Variants in ZNF730 observed in about 807,000 individuals in gnomAD.
ZNF730 encodes the protein zinc finger protein 730, also known as putative zinc finger protein 730.
ZNF730 carries 12 observed loss-of-function variants against 12.6 expected under a neutral mutation model. That is an observed-to-expected ratio of 0.95 (90% CI 0.61 to 1.54). The LOEUF (loss-of-function observed/expected upper bound fraction) is 1.54, where lower values mean the gene tolerates loss of function less well. Ranked by LOEUF, ZNF730 falls within the 40% of genes most tolerant of loss-of-function variation. ZNF730 has a pLI of 0.00. For synonymous variants in ZNF730, 194 were observed against 195.8 expected, an observed-to-expected ratio of 0.99 and a Z score of 0.08; for missense variants, 643 against 583.5, an observed-to-expected ratio of 1.10 and a Z score of -1.05.
intron 1 of ZNF730, among the ~76,000 whole-genome samples, chr19:23,120,905 C>T (rs1970590626): frequency 6.6e-6 from 1 of 152,060 alleles, no homozygotes; most frequent in South Asian, 2.1e-4. Context: ...TATCTTTGTT[C>T]CCATTTGTTT....
intron 1 of ZNF730, among the ~76,000 whole-genome samples, chr19:23,093,999 G>T (rs1345872205): frequency 6.6e-6 from 1 of 152,162 alleles, no homozygotes; most frequent in Non-Finnish European, 1.5e-5. Context: ...GTGGACCAGA[G>T]GGCTCTCGCC....
In ZNF730 at chr19:23,145,751, C is replaced by G; in HGVS notation, c.707C>G (p.Ala236Gly). ...TACAAATGTAAAGAATGTGGCAAAG[C>G]CTTTAACTGGTTTTCACATTTTACT... ...KPYKCKECGKAFNWFSHFTTH... is the reference protein window; with the variant it reads ...KPYKCKECGKGFNWFSHFTTH... Residue 236 changes from alanine (A) to glycine (G), a missense_variant, in exon 4 of 4, where the codon GCC becomes GGC. Ala to Gly is a moderately conservative substitution (Grantham distance 60). Coordinates refer to ENST00000597761, the MANE Select transcript of ZNF730 (RefSeq NM_001277403.2). 6.4e-7 allele frequency: 1 copy of G among 1,565,534 alleles called. No homozygotes were observed. Among genetic ancestry groups the G allele is most frequent in the Non-Finnish European group, 8.6e-7 (1 of 1,157,084 alleles).
intron 1 of ZNF730, among the ~76,000 whole-genome samples, chr19:23,126,379 G>A (rs990564943): frequency 2.0e-5 from 3 of 152,160 alleles, no homozygotes; most frequent in Non-Finnish European, 4.4e-5. Context: ...AACACAGTGC[G>A]GCATTACACC....
intron 3 of ZNF730, among the ~76,000 whole-genome samples, chr19:23,136,610 G>T (rs565196070): frequency 2.6e-5 from 4 of 152,088 alleles, no homozygotes; most frequent in Admixed American, 2.6e-4. Flanking sequence ...CATTATGTCT[G>T]AAATGTGTGA....
intron 1 of ZNF730, among the ~76,000 whole-genome samples, chr19:23,086,838 G>C (rs1027086060): frequency 2.6e-5 from 4 of 152,138 alleles, no homozygotes; most frequent in African/African-American, 9.7e-5. Context: ...GAATGTCAAT[G>C]CTTGTTTAAT....
chr19:23,103,716 A>C (rs1273244573), intron 1 of ZNF730, among the ~76,000 whole-genome samples: 2 of 152,210 alleles, frequency 1.3e-5, no homozygotes, highest in Non-Finnish European at 2.9e-5. Flanking sequence ...TATTTTGGTG[A>C]ATAATACTAA....
At chr19:23,135,775 T>A (rs548778849) in intron 2 of ZNF730, among the ~76,000 whole-genome samples, 173 bp from the exon 3 acceptor site, 1 of 151,890 alleles carries the variant, frequency 6.6e-6, no homozygotes, top group Admixed American at 6.6e-5. Flanking sequence ...CCTCCCAAAG[T>A]GCTGGTATTA....
intron 1 of ZNF730, among the ~76,000 whole-genome samples, chr19:23,133,653 G>A (rs1476040532): frequency 6.6e-6 from 1 of 152,130 alleles, no homozygotes; most frequent in East Asian, 1.9e-4. Context: ...CAGAAACTCA[G>A]GCTTTATTCC....
chr19:23,114,300 C>CTTTTTTTTTTTTTTTTTTTTTTTTTTT (rs11413226), upstream of ZNF730, among the ~76,000 whole-genome samples: 10 of 119,526 alleles, frequency 8.4e-5, 4 homozygotes, highest in African/African-American at 2.8e-4. Flanking sequence ...TTTTCTTTTT[C>CTTTTTTTTTTTTTTTTTTTTTTTTTTT]TTTTCTTTTT....
chr19:23,116,967 G>T (rs1001353994), upstream of ZNF730: 109 of 835,654 alleles, frequency 1.3e-4, no homozygotes, highest in African/African-American at 1.6e-3. Context: ...CTGGGCGGGG[G>T]GCCGTCCAAT....
At chr19:23,078,128 A>G (rs1969899147) in intron 1 of ZNF730, among the ~76,000 whole-genome samples, 2 of 152,156 alleles carry the variant, frequency 1.3e-5, no homozygotes, top group Admixed American at 1.3e-4. Flanking sequence ...GGGAAGGGAA[A>G]GACCTGACCG....
intron 1 of ZNF730, among the ~76,000 whole-genome samples, chr19:23,110,663 T>C (rs1475345984): frequency 2.6e-5 from 4 of 152,172 alleles, no homozygotes; most frequent in African/African-American, 7.2e-5. Flanking sequence ...GCTTGCAAAA[T>C]TGTAAAATAT....
intron 3 of ZNF730, chr19:23,143,766 C>T (rs545647409): frequency 4.6e-5 from 7 of 152,076 alleles, no homozygotes; most frequent in South Asian, 2.1e-4. Context: ...AGTTTCTTTC[C>T]GGCCTACAAA....
Position 23,087,440 on chromosome 19 carries a change from A to G in ZNF730, c.-94+12053A>G, listed in dbSNP as rs1041504385. On this transcript the variant is annotated intron_variant, in intron 1 of 2. Transcript: ENST00000593635. Reference sequence around the variant, plus strand: ...AAAAAGAAAAAAAGAAATGCTAGTAATTTTTGCACATTGATTTTGTATTCT... The same window carrying G: ...AAAAAGAAAAAAAGAAATGCTAGTAGTTTTTGCACATTGATTTTGTATTCT... 5.3e-4 allele frequency among the ~76,000 whole-genome samples: 81 copies of G among 152,134 alleles called. 1 individual carries two copies. The highest frequency in any genetic ancestry group is 1.9e-3 in the African/African-American group (80 of 41,514).
At chr19:23,078,033 C>T (rs2145425547) in intron 1 of ZNF730, among the ~76,000 whole-genome samples, 1 of 152,294 alleles carries the variant, frequency 6.6e-6, no homozygotes, top group East Asian at 1.9e-4. Context: ...CAATACACTG[C>T]TGAAGGCCGC....
chr19:23,100,948 C>T (rs1169264053), intron 1 of ZNF730, among the ~76,000 whole-genome samples: 1 of 152,086 alleles, frequency 6.6e-6, no homozygotes, highest in East Asian at 1.9e-4. Context: ...ACCACCATGC[C>T]CGGCAGTGAT....
chr19:23,126,595 G>C, intron 1 of ZNF730: 1 of 477,560 alleles, frequency 2.1e-6, no homozygotes, highest in South Asian at 1.7e-5. Context: ...AGCACTGCCA[G>C]GCAGTTTGGC....
Position 23,117,179 on chromosome 19 carries a change from G to A in ZNF730, c.3+3G>A. 1 of 1,613,984 alleles carries A rather than the reference G, an allele frequency of 6.2e-7. No individual in the cohort carries two copies. Among genetic ancestry groups the A allele is most frequent in the Non-Finnish European group, 8.5e-7 (1 of 1,179,860 alleles). On this transcript the variant is annotated splice_donor_region_variant and intron_variant, in intron 1 of 3. Transcript: ENST00000597761. ...GGCCCCCTGGAAGCCTAGAAATGGT[G>A]AGAGTGCCGGTCCGACATCCCGAGA...
upstream of ZNF730, among the ~76,000 whole-genome samples, chr19:23,116,566 C>A (rs1417317282): frequency 2.8e-5 from 4 of 143,456 alleles, no homozygotes; most frequent in Non-Finnish European, 6.0e-5. Flanking sequence ...GCCACTACTC[C>A]CAGCTACTTT....
Sources: gnomAD v4.1 joint callset for allele counts (sites outside exome capture counted in the v4.1 genomes callset) on GRCh38, gnomAD v4.1.1 for gene constraint, MANE v1.5 for transcripts, NCBI Gene and HGNC (gene_info 2026-07-23, HGNC 2026-07-21) for gene names.